The following CALD1 variants were observed in gnomAD, a reference collection of about 807,000 sequenced individuals.
CALD1 encodes caldesmon 1, also known as caldesmon.
CALD1 carries 33 observed loss-of-function variants against 99.9 expected under a neutral mutation model. The observed-to-expected ratio is 0.33, with a 90% CI of 0.25 to 0.44. CALD1 has a LOEUF of 0.44. Among genes scored for constraint, CALD1 ranks in the 20% least tolerant of loss-of-function variants. The pLI is 1.00. For missense variants in CALD1, 861 were observed against 962.1 expected, an observed-to-expected ratio of 0.89 and a Z score of 1.39; for synonymous variants, 310 against 325.0, an observed-to-expected ratio of 0.95 and a Z score of 0.50.
At chr7:134,800,633 C>G (rs1797909021) in intron 1 of CALD1, among the ~76,000 whole-genome samples, 1 of 151,862 alleles carries the variant, frequency 6.6e-6, no homozygotes, top group African/African-American at 2.4e-5. Flanking sequence ...TCATTAATAG[C>G]ATATAGATAA....
chr7:134,894,023 C>T (rs574070206), intron 3 of CALD1, among the ~76,000 whole-genome samples: 2 of 152,140 alleles, frequency 1.3e-5, no homozygotes, highest in African/African-American at 4.8e-5. Flanking sequence ...TGGGGTAGGG[C>T]GACACTCAGA....
At chr7:134,898,933 G>A (rs1232406458) in intron 3 of CALD1, among the ~76,000 whole-genome samples, 3 of 152,164 alleles carry the variant, frequency 2.0e-5, no homozygotes, top group Middle Eastern at 3.2e-3. Flanking sequence ...GTAAAGGAGC[G>A]TGCTTTGCCT....
chr7:134,968,098 G>T (rs1234214343), intron 14 of CALD1, among the ~76,000 whole-genome samples: 1 of 152,078 alleles, frequency 6.6e-6, no homozygotes. Context: ...AGTGAGCTGA[G>T]ATCACACCAC....
At chr7:134,871,380 G>C (rs1801068073) in intron 3 of CALD1, among the ~76,000 whole-genome samples, 1 of 152,144 alleles carries the variant, frequency 6.6e-6, no homozygotes, top group Non-Finnish European at 1.5e-5. Context: ...GAAATAGAGT[G>C]GCTCCAAGGC....
At chr7:134,793,599 T>C (rs187156857) in intron 1 of CALD1, among the ~76,000 whole-genome samples, 17 of 152,174 alleles carry the variant, frequency 1.1e-4, no homozygotes, top group Admixed American at 2.6e-4. Flanking sequence ...TTCTCTGTCT[T>C]AGGCCAGGGG....
At chr7:134,775,553 T>C (rs1417707343), upstream of CALD1, among the ~76,000 whole-genome samples, 1 of 152,032 alleles carries the variant, frequency 6.6e-6, no homozygotes, top group East Asian at 1.9e-4. Flanking sequence ...CTACTAAAAA[T>C]ACAAAAAATT....
intron 1 of CALD1, among the ~76,000 whole-genome samples, chr7:134,806,794 C>G (rs931827376): frequency 5.3e-5 from 8 of 152,060 alleles, no homozygotes. Context: ...TTTTATAATA[C>G]TTATTTTTCT....
chr7:134,873,189 A>G lies in CALD1; in HGVS notation c.71+5385A>G, dbSNP rs1424884164. ...GCGACAGAGCAAAAACAAACAAACA[A>G]ACAAACAAACAAAACAAAAAAAACC... On this transcript the variant is annotated intron_variant, in intron 3 of 14. Coordinates refer to ENST00000361675, the MANE Select transcript of CALD1 (RefSeq NM_033138.4). Among the ~76,000 whole-genome samples, 6 of 142,672 alleles carry G rather than the reference A, an allele frequency of 4.2e-5. No individual in the cohort carries two copies. The East Asian group carries it at 1.3e-3, about 30-fold the overall frequency. 93.6% of individuals were successfully genotyped at this position (142,672 alleles called of 152,430 possible). A position where few individuals can be genotyped will look rare whatever the true frequency, so the allele number is the denominator to read the frequency against.
chr7:134,851,828 C>T (rs1434566769), intron 2 of CALD1, among the ~76,000 whole-genome samples: 2 of 152,150 alleles, frequency 1.3e-5, no homozygotes, highest in Non-Finnish European at 2.9e-5. Flanking sequence ...CCCCAGATGA[C>T]CACAAGGGGC....
chr7:134,860,004 C>T (rs536234456), intron 2 of CALD1, among the ~76,000 whole-genome samples: 4 of 152,052 alleles, frequency 2.6e-5, no homozygotes, highest in East Asian at 1.9e-4. Flanking sequence ...AGAGATTGTG[C>T]GGGGAAGGCA....
intron 3 of CALD1, among the ~76,000 whole-genome samples, chr7:134,906,249 G>A (rs1189218963): frequency 6.6e-6 from 1 of 152,090 alleles, no homozygotes; most frequent in Non-Finnish European, 1.5e-5. Context: ...TATATCTTAA[G>A]TTCTAACCCC....
At chr7:134,828,415 G>T (rs1159410298) in intron 1 of CALD1, among the ~76,000 whole-genome samples, 1 of 152,198 alleles carries the variant, frequency 6.6e-6, no homozygotes, top group East Asian at 1.9e-4. Flanking sequence ...TTGGGTATTT[G>T]CTTGCTTCTT....
At chr7:134,720,184 C>CTT in the CALD1 span, among the ~76,000 whole-genome samples, 4 of 139,912 alleles carry the variant, frequency 2.9e-5, no homozygotes, top group Admixed American at 7.3e-5. Context: ...TAGCCCTCCT[C>CTT]TTTTTTTTTT....
chr7:134,859,654 G>A (rs930115366), intron 2 of CALD1, among the ~76,000 whole-genome samples: 2 of 152,150 alleles, frequency 1.3e-5, no homozygotes, highest in African/African-American at 4.8e-5. Context: ...ATATGTCTCA[G>A]TCTCCTTTCT....
At chr7:134,719,490 G>A in the CALD1 span, among the ~76,000 whole-genome samples, 39 of 152,218 alleles carry the variant, frequency 2.6e-4, no homozygotes, top group Admixed American at 9.2e-4. Flanking sequence ...TCTAAATAAA[G>A]TACCAATCAG....
At chr7:134,740,363 T>C (rs1250406966), upstream of CALD1, among the ~76,000 whole-genome samples, 1 of 152,148 alleles carries the variant, frequency 6.6e-6, no homozygotes, top group Non-Finnish European at 1.5e-5. Flanking sequence ...CATGCTGCAA[T>C]GCTGGGCCAA....
At chr7:134,767,228 T>TGC (rs558522573) in intron 1 of CALD1, among the ~76,000 whole-genome samples, 3,913 of 149,196 alleles carry the variant, frequency 0.026, 145 homozygotes, top group African/African-American at 0.097. Context: ...TGTGTGTGCG[T>TGC]GTGTGACATA....
chr7:134,894,041 T>G (rs776009595), intron 3 of CALD1, among the ~76,000 whole-genome samples: 3 of 152,246 alleles, frequency 2.0e-5, no homozygotes, highest in Non-Finnish European at 4.4e-5. Flanking sequence ...AGATATGCAT[T>G]TGTGTCTGGT....
intron 9 of CALD1, among the ~76,000 whole-genome samples, chr7:134,952,344 T>C (rs1452851756): frequency 6.6e-6 from 1 of 152,110 alleles, no homozygotes; most frequent in Non-Finnish European, 1.5e-5. Flanking sequence ...GGATGGTTAA[T>C]TATGTACATA....
Sources: gnomAD v4.1 joint callset for allele counts (sites outside exome capture counted in the v4.1 genomes callset) on GRCh38, gnomAD v4.1.1 for gene constraint, MANE v1.5 for transcripts, NCBI Gene and HGNC (gene_info 2026-07-23, HGNC 2026-07-21) for gene names.